Variants in VGLL1 observed in about 807,000 individuals in gnomAD.
VGLL1 encodes the protein vestigial like family member 1.
Under a neutral mutation model 12.0 loss-of-function variants are expected in VGLL1, and 4 were observed. The observed-to-expected ratio is 0.33, with a 90% confidence interval of 0.16 to 0.76. VGLL1 has a LOEUF of 0.76. Ranked by LOEUF, VGLL1 falls within the 30% of genes least tolerant of loss-of-function variation. The probability of loss-of-function intolerance (pLI) is 0.60; values close to 1 mark genes in which losing one functional copy is unlikely to be tolerated. For synonymous variants in VGLL1, 87 were observed against 81.2 expected (o/e 1.07, Z -0.39); for missense variants, 204 against 208.7 (o/e 0.98, Z 0.14).
At chrX:136,542,367 A>C (rs2075858839) in intron 2 of VGLL1, among the ~76,000 whole-genome samples, 1 of 112,190 alleles carries the variant, frequency 8.9e-6, no homozygotes, top group Admixed American at 9.4e-5. Context: ...ACCAGACACC[A>C]CACTAAAATT....
chrX:136,556,241 G>A (rs1030611502), intron 4 of VGLL1, among the ~76,000 whole-genome samples: 1 of 111,721 alleles, frequency 9.0e-6, no homozygotes, highest in Admixed American at 9.5e-5. Flanking sequence ...GTCACAAGTT[G>A]AATAAATTCT....
chrX:136,553,092 G>A (rs1332745803), intron 4 of VGLL1, among the ~76,000 whole-genome samples: 1 of 110,632 alleles, frequency 9.0e-6, no homozygotes, highest in African/African-American at 3.3e-5. Context: ...GAGGTAACAT[G>A]GAGCTGAGAG....
Position 136,542,877 on chromosome X carries a change from T to TAACACTTTTTG in VGLL1, c.215-5703_215-5693dup, listed in dbSNP as rs1167828055. On this transcript the variant is annotated intron_variant, in intron 2 of 4. Transcript: ENST00000370634. ...TATCGCTAATAATGTGTATAATGGC[T>TAACACTTTTTG]AACACTTTTTGAACACTTTCTGTGT... 2.7e-5 allele frequency among the ~76,000 whole-genome samples: 3 copies of TAACACTTTTTG among 111,737 alleles called. No homozygotes were observed. The South Asian group carries it at 1.1e-3, about 42-fold the overall frequency.
chrX:136,532,649 CTTTCT>C (rs774867346), intron 1 of VGLL1, among the ~76,000 whole-genome samples: 48 of 51,646 alleles, frequency 9.3e-4, no homozygotes, highest in South Asian at 7.6e-3. Flanking sequence ...TTCTTTCTTT[CTTTCT>C]TTCTTTCTTT....
chrX:136,545,866 G>A (rs1233399908), intron 2 of VGLL1, among the ~76,000 whole-genome samples: 4 of 111,217 alleles, frequency 3.6e-5, no homozygotes, highest in African/African-American at 1.3e-4. Context: ...TGGCCTGCCA[G>A]TTTCACCGAA....
intron 4 of VGLL1, among the ~76,000 whole-genome samples, chrX:136,551,494 A>T (rs1300888287): frequency 1.8e-5 from 2 of 111,694 alleles, no homozygotes; most frequent in Non-Finnish European, 3.8e-5. Context: ...TGACAGGAGG[A>T]TCTTCATGAC....
intron 2 of VGLL1, among the ~76,000 whole-genome samples, chrX:136,544,672 C>T (rs1193431483): frequency 8.9e-6 from 1 of 112,400 alleles, no homozygotes; most frequent in African/African-American, 3.2e-5. Flanking sequence ...ATAGTGAGTA[C>T]TCAATAAACA....
intron 2 of VGLL1, among the ~76,000 whole-genome samples, chrX:136,546,126 G>T (rs1038790568): frequency 1.8e-5 from 2 of 111,704 alleles, no homozygotes; most frequent in African/African-American, 6.5e-5. Context: ...GGCTTGAGAA[G>T]GCAGCAAATT....
intron 2 of VGLL1, among the ~76,000 whole-genome samples, chrX:136,538,745 G>T (rs925283320): frequency 1.8e-5 from 2 of 112,479 alleles, no homozygotes; most frequent in Admixed American, 1.9e-4. Flanking sequence ...TGTATCTGAT[G>T]TATTCACCTT....
At chrX:136,533,953 G>T (rs2075832867) in intron 1 of VGLL1, among the ~76,000 whole-genome samples, 1 of 112,103 alleles carries the variant, frequency 8.9e-6, no homozygotes, top group African/African-American at 3.2e-5. Flanking sequence ...TGTAAAATGG[G>T]GATAACAATA....
At chrX:136,551,040 T>C in intron 4 of VGLL1, 1 of 342,082 alleles carries the variant, frequency 2.9e-6, no homozygotes, top group Non-Finnish European at 5.1e-6. Context: ...TCTTGTAAAA[T>C]TTTATTTTGC....
chrX:136,542,212 T>TTA (rs745746966), intron 2 of VGLL1, among the ~76,000 whole-genome samples: 371 of 105,498 alleles, frequency 3.5e-3, no homozygotes, highest in Non-Finnish European at 5.6e-3. Flanking sequence ...TGGCTTTTTT[T>TTA]AAAAAAAAAA....
intron 3 of VGLL1, 48 bp from the exon 4 acceptor site, chrX:136,550,720 T>C (rs2075883177): frequency 2.7e-6 from 3 of 1,118,026 alleles, no homozygotes; most frequent in African/African-American, 1.8e-5. Context: ...CTCTCTAACC[T>C]AGTCCTAGAA....
Position 136,535,983 on chromosome X carries a change from C to A in VGLL1, c.-25-13C>A. ...GTAAATAGTGCCAGTGACATTTTGC[C>A]TTTGGTCCACAGCTGTCACCTGTGT... On this transcript the variant is annotated splice_polypyrimidine_tract_variant and intron_variant, in intron 1 of 4. Transcript: ENST00000370634. 1 of 1,180,669 alleles carries A rather than the reference C, an allele frequency of 8.5e-7. No individual in the cohort carries two copies.
chrX:136,544,775 C>T (rs2075865267), intron 2 of VGLL1, among the ~76,000 whole-genome samples: 1 of 111,959 alleles, frequency 8.9e-6, no homozygotes, highest in African/African-American at 3.3e-5. Context: ...TTCTGAAATC[C>T]CTCTTTTATA....
intron 2 of VGLL1, among the ~76,000 whole-genome samples, chrX:136,547,599 T>C (rs185917175): frequency 5.5e-4 from 62 of 112,294 alleles, no homozygotes; most frequent in African/African-American, 1.9e-3. Context: ...GTGCCTCATA[T>C]TACTCTGGAA....
At chrX:136,547,769 T>G (rs1432231444) in intron 2 of VGLL1, among the ~76,000 whole-genome samples, 2 of 111,893 alleles carry the variant, frequency 1.8e-5, no homozygotes, top group Non-Finnish European at 3.8e-5. Flanking sequence ...CAAGCACATT[T>G]ACTTCCAGAA....
At chrX:136,532,581 CTTTCTTTCT>C (rs2075825909) in intron 1 of VGLL1, among the ~76,000 whole-genome samples, 3 of 9,997 alleles carry the variant, frequency 3.0e-4, no homozygotes, top group African/African-American at 1.2e-3. Context: ...ATATTTCTTT[CTTTCTTTCT>C]TTCTTTCTTT....
chrX:136,537,524 C>A (rs1056485640), intron 2 of VGLL1, among the ~76,000 whole-genome samples: 1 of 111,640 alleles, frequency 9.0e-6, no homozygotes. Context: ...AATGAAACTC[C>A]ACAACTATTT....
Sources: gnomAD v4.1 joint callset for allele counts (sites outside exome capture counted in the v4.1 genomes callset) on GRCh38, gnomAD v4.1.1 for gene constraint, MANE v1.5 for transcripts, NCBI Gene and HGNC (gene_info 2026-07-23, HGNC 2026-07-21) for gene names.